ASTN2: variants seen among roughly 807,000 people sequenced by gnomAD.
The protein encoded by ASTN2 is astrotactin-2.
A neutral mutation model predicts 139.8 loss-of-function variants in ASTN2; 54 were observed. The observed-to-expected ratio is 0.39, with a 90% confidence interval of 0.31 to 0.48. The LOEUF (loss-of-function observed/expected upper bound fraction) is 0.48. ASTN2 is among the 20% of genes least tolerant of loss of function. ASTN2 has a pLI of 0.95. For synonymous variants in ASTN2, 756 were observed against 719.5 expected, an observed-to-expected ratio of 1.05 and a Z score of -0.81; for missense variants, 1,565 against 1,725.1, an observed-to-expected ratio of 0.91 and a Z score of 1.64.
chr9:117,074,822 T>G (rs1390933131), intron 5 of ASTN2, among the ~76,000 whole-genome samples: 1 of 152,366 alleles, frequency 6.6e-6, no homozygotes, highest in East Asian at 1.9e-4. Context: ...TTTATGTATA[T>G]GCATAGGAAT....
chr9:117,182,107 G>C (rs1488127029), intron 3 of ASTN2, among the ~76,000 whole-genome samples: 1 of 152,070 alleles, frequency 6.6e-6, no homozygotes, highest in Non-Finnish European at 1.5e-5. Context: ...AGCAGCCATG[G>C]GCAGGGCTCT....
chr9:117,169,783 T>C (rs1830749332), intron 3 of ASTN2, among the ~76,000 whole-genome samples: 1 of 152,076 alleles, frequency 6.6e-6, no homozygotes, highest in African/African-American at 2.4e-5. Context: ...CATGATGAAT[T>C]AGAGACAGCT....
rs79463748 is a variant in ASTN2 at position 116,458,644 on chromosome 9, G to A, written c.3498-16091C>T. 8.0e-3 allele frequency among the ~76,000 whole-genome samples: 1,221 copies of A among 151,904 alleles called. 7 individuals carry two copies. The highest frequency in any genetic ancestry group is 0.012 in the Non-Finnish European group (791 of 67,846). On this transcript the variant is annotated intron_variant, in intron 20 of 22. Transcript: ENST00000313400. Reference sequence around the variant, plus strand: ...TAAAATTTGAAAACCATTCCTTTGTGCAGTATTAAAAACTGTATTTACAGA... The same window carrying A: ...TAAAATTTGAAAACCATTCCTTTGTACAGTATTAAAAACTGTATTTACAGA...
At chr9:117,286,719 C>G (rs1293271749) in intron 2 of ASTN2, among the ~76,000 whole-genome samples, 3 of 152,218 alleles carry the variant, frequency 2.0e-5, no homozygotes, top group Non-Finnish European at 2.9e-5. Context: ...TTTCTCCTAT[C>G]TATAAAATGC....
intron 10 of ASTN2, among the ~76,000 whole-genome samples, chr9:116,942,396 G>A (rs1835266592): frequency 6.6e-6 from 1 of 152,154 alleles, no homozygotes; most frequent in Non-Finnish European, 1.5e-5. Flanking sequence ...CTTTAGGGTT[G>A]GTGGCTTCTC....
At chr9:116,831,005 C>A (rs927318734) in intron 11 of ASTN2, among the ~76,000 whole-genome samples, 1 of 149,206 alleles carries the variant, frequency 6.7e-6, no homozygotes, top group Non-Finnish European at 1.5e-5. Flanking sequence ...TGGAATACTA[C>A]TAGGGCATAA....
chr9:116,807,284 G>A (rs1382840051), intron 12 of ASTN2, among the ~76,000 whole-genome samples: 2 of 152,240 alleles, frequency 1.3e-5, no homozygotes, highest in African/African-American at 4.8e-5. Context: ...GTGGGAACCA[G>A]TAGCTGATGC....
At chr9:116,874,114 A>C (rs1373188609) in intron 10 of ASTN2, among the ~76,000 whole-genome samples, 1 of 152,216 alleles carries the variant, frequency 6.6e-6, no homozygotes, top group Non-Finnish European at 1.5e-5. Flanking sequence ...AGTGAGTCCT[A>C]GTGACAGAGC....
intron 4 of ASTN2, among the ~76,000 whole-genome samples, chr9:117,101,414 GAAAGT>G (rs763664225): frequency 1.6e-4 from 24 of 152,324 alleles, no homozygotes; most frequent in Non-Finnish European, 2.8e-4. Context: ...GGGGCTGAGA[GAAAGT>G]GAGAATGGTT....
intron 1 of ASTN2, among the ~76,000 whole-genome samples, chr9:117,322,458 G>A (rs867664626): frequency 1.1e-4 from 17 of 152,078 alleles, no homozygotes; most frequent in Admixed American, 3.3e-4. Context: ...ATTACTCCAC[G>A]TTTCTAGGGA....
intron 19 of ASTN2, among the ~76,000 whole-genome samples, chr9:116,513,856 C>T (rs1167508951): frequency 2.6e-5 from 4 of 152,018 alleles, no homozygotes; most frequent in Non-Finnish European, 5.9e-5. Context: ...TCCATCAGGT[C>T]ATTTAAGGAC....
chr9:116,839,913 G>A (rs1588340573), intron 11 of ASTN2, among the ~76,000 whole-genome samples: 1 of 137,414 alleles, frequency 7.3e-6, no homozygotes, highest in Non-Finnish European at 1.6e-5. Context: ...ATTCTTGGGT[G>A]TTTCTCGCAG....
At chr9:117,244,158 T>C (rs1252188374) in intron 2 of ASTN2, among the ~76,000 whole-genome samples, 4 of 152,186 alleles carry the variant, frequency 2.6e-5, no homozygotes, top group Non-Finnish European at 5.9e-5. Flanking sequence ...TGGCCATGAT[T>C]GCAAGTTTGC....
chr9:116,664,588 T>C (rs980138734), intron 16 of ASTN2, among the ~76,000 whole-genome samples: 10 of 151,504 alleles, frequency 6.6e-5, no homozygotes, highest in Non-Finnish European at 1.0e-4. Flanking sequence ...CATTTATAAG[T>C]TTTAGCTTTG....
intron 19 of ASTN2, among the ~76,000 whole-genome samples, chr9:116,499,352 T>A (rs1849779184): frequency 6.6e-6 from 1 of 152,190 alleles, no homozygotes; most frequent in African/African-American, 2.4e-5. Context: ...GAGGTACTCA[T>A]GACTCAGTCA....
At chr9:117,315,530 A>T (rs1828117409) in intron 1 of ASTN2, among the ~76,000 whole-genome samples, 1 of 152,216 alleles carries the variant, frequency 6.6e-6, no homozygotes, top group Admixed American at 6.5e-5. Context: ...CTGTTTCCTC[A>T]TTTATGAAAT....
chr9:117,036,072 C>T (rs114539096), intron 6 of ASTN2, among the ~76,000 whole-genome samples: 14 of 152,090 alleles, frequency 9.2e-5, no homozygotes, highest in Non-Finnish European at 1.2e-4. Flanking sequence ...CACATTATAA[C>T]GTTCAATCAT....
intron 3 of ASTN2, among the ~76,000 whole-genome samples, chr9:117,176,041 CCAT>C (rs1271801270): frequency 3.3e-5 from 5 of 150,214 alleles, no homozygotes; most frequent in Non-Finnish European, 7.4e-5. Flanking sequence ...AAAAAAAAAA[CCAT>C]CATAAAAATA....
chr9:116,928,737 TA>T lies in ASTN2; in HGVS notation c.1889+46470del, dbSNP rs1010191023. 9.2e-3 allele frequency among the ~76,000 whole-genome samples: 1,302 copies of T among 141,060 alleles called. 5 individuals carry two copies. The highest frequency in any genetic ancestry group is 0.014 in the Middle Eastern group (4 of 276). 92.5% of individuals were successfully genotyped at this position (141,060 alleles called of 152,430 possible). A position where few individuals can be genotyped will look rare whatever the true frequency, so the allele number is the denominator to read the frequency against. ...ACAAAGGAATTTGTCAGGTACAGGG[TA>T]AAAAAAAAAAAGGATGTTTACCTAG... On this transcript the variant is annotated intron_variant, in intron 10 of 22. Transcript: ENST00000313400.
Sources: gnomAD v4.1 joint callset for allele counts (sites outside exome capture counted in the v4.1 genomes callset) on GRCh38, gnomAD v4.1.1 for gene constraint, MANE v1.5 for transcripts, NCBI Gene and HGNC (gene_info 2026-07-23, HGNC 2026-07-21) for gene names.